The following SYT16 variants were observed in gnomAD, a reference collection of about 807,000 sequenced individuals.
The protein encoded by SYT16 is synaptotagmin 16.
SYT16 carries 42 observed loss-of-function variants against 61.4 expected under a neutral mutation model. The ratio of observed to expected loss-of-function variants is 0.68; its 90% CI spans 0.53 to 0.89. The LOEUF is 0.89. SYT16 is among the 40% of genes least tolerant of loss of function. The pLI is 0.00. For missense variants in SYT16, 804 were observed against 807.3 expected (o/e 1.00, Z 0.05); for synonymous variants, 314 against 302.3 (o/e 1.04, Z -0.40).
chr14:61,967,626 T>G (rs1420110886), intron 1 of SYT16, among the ~76,000 whole-genome samples: 1 of 152,146 alleles, frequency 6.6e-6, no homozygotes, highest in Admixed American at 6.5e-5. Context: ...CTTCTTTTTT[T>G]GCTGTCTCAT....
At position 62,107,619 on chromosome 14, in the gene SYT16, G is replaced by T. The variant is rs2057536492; in HGVS notation, c.*6912G>T. 6.6e-6 allele frequency: 1 copy of T among 152,120 alleles called. No individual in the cohort carries two copies. The highest frequency in any genetic ancestry group is 2.4e-5 in the African/African-American group (1 of 41,422). The allele number at this position is 152,120 out of a possible 1,614,324, so 9.4% of individuals were successfully genotyped here. A position where few individuals can be genotyped will look rare whatever the true frequency, so the allele number is the denominator to read the frequency against. ...AATAATAAGATCTTTTATTAACCTT[G>T]AATTTTTGGCTTAATGTATTTCTGT... On this transcript the variant is annotated 3_prime_UTR_variant, in exon 8 of 8. Transcript: ENST00000683842.
rs1555355228 is a variant in SYT16, at chr14:61,906,743, A to ATCCATCCATCCATCCT, written c.-324-63382_-324-63381insATCCATCCTTCCATCC. 4.3e-3 allele frequency among the ~76,000 whole-genome samples: 637 copies of ATCCATCCATCCATCCT among 149,506 alleles called. 5 individuals carry two copies. The highest frequency in any genetic ancestry group is 0.015 in the African/African-American group (588 of 40,348). On this transcript the variant is annotated intron_variant, in intron 1 of 7. Transcript: ENST00000683842. ...CATCCATCCATCCATCCATCCATCCATCCATCCTTCCGTCCGTCCGTCAAT... is the reference window on the plus strand; with the variant it reads ...CATCCATCCATCCATCCATCCATCCATCCATCCATCCATCCTTCCATCCTTCCGTCCGTCCGTCAAT...
intron 2 of SYT16, among the ~76,000 whole-genome samples, chr14:61,974,267 G>A (rs543620765): frequency 6.6e-6 from 1 of 152,166 alleles, no homozygotes; most frequent in Non-Finnish European, 1.5e-5. Context: ...CATGAGGTGG[G>A]CCTGTATTGG....
At chr14:61,902,906 A>T (rs904740481) in intron 1 of SYT16, among the ~76,000 whole-genome samples, 1 of 152,198 alleles carries the variant, frequency 6.6e-6, no homozygotes, top group South Asian at 2.1e-4. Context: ...AACTGCTCCC[A>T]TGATTCAATT....
At chr14:61,954,270 A>G (rs561888638) in intron 1 of SYT16, among the ~76,000 whole-genome samples, 1 of 145,480 alleles carries the variant, frequency 6.9e-6, no homozygotes, top group Admixed American at 6.8e-5. Flanking sequence ...TCTTATTTCT[A>G]GTTCTTGTTG....
chr14:62,011,223 G>T (rs2053435374), intron 3 of SYT16, among the ~76,000 whole-genome samples: 1 of 152,156 alleles, frequency 6.6e-6, no homozygotes, highest in Non-Finnish European at 1.5e-5. Flanking sequence ...GTTCTATCCA[G>T]AAGTGCAAAT....
chr14:62,002,821 A>G (rs1356133698), intron 3 of SYT16, among the ~76,000 whole-genome samples: 1 of 152,138 alleles, frequency 6.6e-6, no homozygotes, highest in African/African-American at 2.4e-5. Flanking sequence ...TAAAAAGAAA[A>G]GAGGTTTAAT....
intron 1 of SYT16, among the ~76,000 whole-genome samples, chr14:61,919,393 T>C (rs969982560): frequency 2.6e-5 from 4 of 152,244 alleles, no homozygotes; most frequent in Non-Finnish European, 1.5e-5. Flanking sequence ...TTTATTATCA[T>C]GCAGTTTGTG....
In SYT16 at chr14:62,106,518, T is replaced by A. The variant is rs1232608183; in HGVS notation, c.*5811T>A. The A allele has an allele frequency of 6.6e-6, 1 of 152,186 alleles. No homozygotes were observed. Among genetic ancestry groups the A allele is most frequent in the Non-Finnish European group, 1.5e-5 (1 of 68,034 alleles). 9.4% of individuals were successfully genotyped at this position (152,186 alleles called of 1,614,324 possible). On this transcript the variant is annotated 3_prime_UTR_variant, in exon 8 of 8. Coordinates refer to ENST00000683842, the MANE Select transcript of SYT16 (RefSeq NM_001367656.1). ...CTAAAGAAGAATGAGAGGACACCCA[T>A]GAATATACCCTTTATAAAGTTCCTT...
intron 3 of SYT16, among the ~76,000 whole-genome samples, chr14:62,041,389 T>C (rs939598730): frequency 1.3e-5 from 2 of 152,350 alleles, no homozygotes; most frequent in East Asian, 1.9e-4. Context: ...TTTTAACTGA[T>C]TTTAAGGAAT....
chr14:61,867,673 A>G (rs2047201823), intron 1 of SYT16, among the ~76,000 whole-genome samples: 1 of 152,146 alleles, frequency 6.6e-6, no homozygotes, highest in African/African-American at 2.4e-5. Flanking sequence ...TTACATCAGC[A>G]TAAGAAATAT....
chr14:61,858,870 T>C (rs1266589877), intron 1 of SYT16, among the ~76,000 whole-genome samples: 4 of 151,484 alleles, frequency 2.6e-5, no homozygotes, highest in Admixed American at 2.6e-4. Flanking sequence ...TTTTTTTTTT[T>C]TTGAGACGGA....
chr14:61,896,753 G>A (rs1241729200), intron 1 of SYT16, among the ~76,000 whole-genome samples: 3 of 152,128 alleles, frequency 2.0e-5, no homozygotes, highest in Admixed American at 1.3e-4. Flanking sequence ...TATATGTTGT[G>A]CTTGAAAATA....
chr14:61,915,310 ATT>A (rs879612856), intron 1 of SYT16, among the ~76,000 whole-genome samples: 1 of 151,996 alleles, frequency 6.6e-6, no homozygotes, highest in Non-Finnish European at 1.5e-5. Context: ...AGAAGATTGA[ATT>A]TTTTTTAAAA....
chr14:61,958,797 G>C (rs536193938), intron 1 of SYT16, among the ~76,000 whole-genome samples: 1 of 152,090 alleles, frequency 6.6e-6, no homozygotes, highest in East Asian at 1.9e-4. Context: ...TAGTTCTGCT[G>C]TTTATTGATT....
chr14:61,881,791 CAACA>C (rs1400644824), intron 1 of SYT16, among the ~76,000 whole-genome samples: 1 of 152,196 alleles, frequency 6.6e-6, no homozygotes, highest in Non-Finnish European at 1.5e-5. Flanking sequence ...ACCTCAACTT[CAACA>C]TGTCCAAAAT....
At chr14:61,850,958 A>T (rs1043873412) in intron 1 of SYT16, among the ~76,000 whole-genome samples, 2 of 152,110 alleles carry the variant, frequency 1.3e-5, no homozygotes, top group African/African-American at 2.4e-5. Flanking sequence ...GGTTTGTTAT[A>T]TAGATAAATG....
chr14:61,824,401 G>C (rs2045707924), intron 1 of SYT16, among the ~76,000 whole-genome samples: 1 of 152,000 alleles, frequency 6.6e-6, no homozygotes, highest in African/African-American at 2.4e-5. Flanking sequence ...CTCCCAGGCT[G>C]GAGTGCAGTG....
intron 1 of SYT16, among the ~76,000 whole-genome samples, chr14:61,835,978 G>A (rs956293089): frequency 6.6e-6 from 1 of 152,178 alleles, no homozygotes; most frequent in African/African-American, 2.4e-5. Flanking sequence ...TACTGGACTA[G>A]TAACGTTGCC....
Sources: allele counts gnomAD v4.1 joint callset (sites outside exome capture counted in the v4.1 genomes callset), GRCh38; gene constraint gnomAD v4.1.1; transcripts MANE v1.5; gene names NCBI Gene and HGNC (gene_info 2026-07-23, HGNC 2026-07-21).